The following CLASP1 variants were observed in gnomAD, a reference collection of about 807,000 sequenced individuals.
CLASP1 encodes CLIP-associating protein 1.
A neutral mutation model predicts 192.3 loss-of-function variants in CLASP1; 38 were observed. The ratio of observed to expected loss-of-function variants is 0.20; its 90% CI spans 0.15 to 0.26. The LOEUF is 0.26. Among genes scored for constraint, CLASP1 ranks in the 10% least tolerant of loss-of-function variants. CLASP1 has a pLI of 1.00. For synonymous variants in CLASP1, 691 were observed against 712.8 expected, an observed-to-expected ratio of 0.97 and a Z score of 0.49; for missense variants, 1,433 against 1,932.5, an observed-to-expected ratio of 0.74 and a Z score of 4.85.
chr2:121,539,913 C>T (rs13395495), intron 2 of CLASP1, among the ~76,000 whole-genome samples: 37,774 of 152,080 alleles, frequency 0.25, 7,425 homozygotes, highest in African/African-American at 0.54. Flanking sequence ...GAGACACTAC[C>T]GCACACTCAC....
chr2:121,500,358 AAGAAAG>A (rs1205843446), intron 8 of CLASP1, among the ~76,000 whole-genome samples: 1 of 123,664 alleles, frequency 8.1e-6, no homozygotes, highest in Non-Finnish European at 1.7e-5. Context: ...GAAAGAAAGA[AAGAAAG>A]AAAGAAAGAA....
chr2:121,473,877 C>T (rs1304973718), intron 8 of CLASP1, among the ~76,000 whole-genome samples: 2 of 151,716 alleles, frequency 1.3e-5, no homozygotes, highest in Non-Finnish European at 2.9e-5. Context: ...AGAATAAAGG[C>T]AAAATAAAAA....
At chr2:121,499,244 AGAAAT>A (rs2093650656) in intron 8 of CLASP1, among the ~76,000 whole-genome samples, 1 of 152,266 alleles carries the variant, frequency 6.6e-6, no homozygotes, top group South Asian at 2.1e-4. Context: ...AGCCATAAAA[AGAAAT>A]GAACTTCTGA....
chr2:121,498,831 T>TA (rs2093633589), intron 8 of CLASP1, among the ~76,000 whole-genome samples: 1 of 152,248 alleles, frequency 6.6e-6, no homozygotes, highest in Non-Finnish European at 1.5e-5. Context: ...TCAATACCAT[T>TA]ACTCATCAAG....
chr2:121,401,089 A>G (rs2076099855), intron 28 of CLASP1, among the ~76,000 whole-genome samples: 1 of 152,234 alleles, frequency 6.6e-6, no homozygotes, highest in African/African-American at 2.4e-5. Context: ...CTATTAATTT[A>G]GAGAATTTTC....
chr2:121,435,596 T>C (rs926123179), intron 19 of CLASP1, among the ~76,000 whole-genome samples: 2 of 152,324 alleles, frequency 1.3e-5, no homozygotes, highest in African/African-American at 2.4e-5. Flanking sequence ...TTTATATGCA[T>C]GCTTTTGTCT....
In CLASP1 at chr2:121,369,245, C is replaced by A. The variant is rs563454808; in HGVS notation, c.3643-1414G>T. 7.4e-4 allele frequency among the ~76,000 whole-genome samples: 112 copies of A among 152,234 alleles called. 1 individual carries two copies. The highest frequency in any genetic ancestry group is 4.2e-3 in the South Asian group (20 of 4,812). On this transcript the variant is annotated intron_variant, in intron 34 of 39. Transcript: ENST00000263710. ...TTTGGACTTGAATCTAGTGGAGGTG[C>A]TGGGATGCATTTGGTTTCTAACACC...
chr2:121,484,263 ACAC>A (rs139696048), intron 8 of CLASP1, among the ~76,000 whole-genome samples: 247 of 152,306 alleles, frequency 1.6e-3, no homozygotes, highest in African/African-American at 5.3e-3. Flanking sequence ...AGTGTGCCAC[ACAC>A]CACATCTCCA....
intron 2 of CLASP1, among the ~76,000 whole-genome samples, chr2:121,593,463 T>C (rs1326897803): frequency 6.6e-6 from 1 of 151,244 alleles, no homozygotes; most frequent in Non-Finnish European, 1.5e-5. Flanking sequence ...CTACTAAAAA[T>C]ACAAAAGTAG....
intron 23 of CLASP1, among the ~76,000 whole-genome samples, chr2:121,417,616 C>G (rs2078818261): frequency 6.6e-6 from 1 of 152,232 alleles, no homozygotes; most frequent in African/African-American, 2.4e-5. Context: ...CGCTAAATCA[C>G]AGGGACCATC....
intron 38 of CLASP1, 79 bp from the exon 40 acceptor site, chr2:121,347,233 A>G: frequency 2.1e-6 from 2 of 964,830 alleles, no homozygotes; most frequent in Non-Finnish European, 3.2e-6. Flanking sequence ...CAACGTTTCC[A>G]CAAATGCCCT....
At chr2:121,418,415 G>GT (rs992373658) in intron 23 of CLASP1, among the ~76,000 whole-genome samples, 1 of 152,186 alleles carries the variant, frequency 6.6e-6, no homozygotes, top group Non-Finnish European at 1.5e-5. Flanking sequence ...GTGAAGTGGT[G>GT]TTTTTTTCCT....
chr2:121,432,209 T>C (rs2081556299), intron 19 of CLASP1, among the ~76,000 whole-genome samples: 1 of 152,138 alleles, frequency 6.6e-6, no homozygotes, highest in South Asian at 2.1e-4. Flanking sequence ...CTCCACCTCC[T>C]GGGATCAAGC....
intron 9 of CLASP1, among the ~76,000 whole-genome samples, chr2:121,463,614 G>A (rs184589404): frequency 3.3e-5 from 5 of 152,292 alleles, no homozygotes; most frequent in Non-Finnish European, 7.4e-5. Context: ...CACATATACT[G>A]AAGAGGACTC....
In CLASP1 at chr2:121,530,980, G is replaced by A. The variant is rs192674805; in HGVS notation, c.196-655C>T. ...CACACCCGCATCAACTAGAGCTTTTGCTTTATTTTGGTGCAATTTTTGGAA... is the reference window on the plus strand; with the variant it reads ...CACACCCGCATCAACTAGAGCTTTTACTTTATTTTGGTGCAATTTTTGGAA... On this transcript the variant is annotated intron_variant, in intron 2 of 39. Transcript: ENST00000263710. 76 of 700,330 alleles carry A rather than the reference G, an allele frequency of 1.1e-4. No individual in the cohort carries two copies. The highest frequency in any genetic ancestry group is 1.6e-4 in the Non-Finnish European group (63 of 384,792). 43.4% of individuals were successfully genotyped at this position (700,330 alleles called of 1,614,324 possible).
At chr2:121,450,375 A>G (rs2085224306) in intron 16 of CLASP1, among the ~76,000 whole-genome samples, 1 of 152,140 alleles carries the variant, frequency 6.6e-6, no homozygotes, top group Admixed American at 6.5e-5. Flanking sequence ...TACAGAGGCC[A>G]TGGCCACATA....
At chr2:121,568,785 G>C (rs1038033089) in intron 2 of CLASP1, among the ~76,000 whole-genome samples, 2 of 151,548 alleles carry the variant, frequency 1.3e-5, no homozygotes, top group South Asian at 4.2e-4. Context: ...GAGCAAATCA[G>C]AGGAGAACTC....
intron 34 of CLASP1, among the ~76,000 whole-genome samples, chr2:121,374,478 A>G (rs754913549): frequency 6.6e-6 from 1 of 152,264 alleles, no homozygotes; most frequent in Non-Finnish European, 1.5e-5. Context: ...CTAGCAGAGC[A>G]GTGAGAAGAA....
intron 2 of CLASP1, chr2:121,531,122 A>C (rs1434008405): frequency 1.6e-6 from 1 of 629,332 alleles, no homozygotes. Flanking sequence ...TTAGTGTCGC[A>C]AGTAAAGTTC....
Sources: allele counts gnomAD v4.1 joint callset (sites outside exome capture counted in the v4.1 genomes callset), GRCh38; gene constraint gnomAD v4.1.1; transcripts MANE v1.5; gene names NCBI Gene and HGNC (gene_info 2026-07-23, HGNC 2026-07-21).